The following ARHGAP22 variants were observed in gnomAD, a reference collection of about 807,000 sequenced individuals.
The protein encoded by ARHGAP22 is Rho GTPase activating protein 22, also known as rho GTPase-activating protein 22.
A neutral mutation model predicts 59.1 loss-of-function variants in ARHGAP22; 48 were observed. The ratio of observed to expected loss-of-function variants is 0.81; its 90% CI spans 0.64 to 1.03. ARHGAP22 has a LOEUF of 1.03. Ranked by LOEUF, ARHGAP22 falls within the 50% of genes least tolerant of loss-of-function variation. The pLI is 0.00. For missense variants in ARHGAP22, 1,015 were observed against 958.7 expected (o/e 1.06, Z -0.78); for synonymous variants, 445 against 416.4 (o/e 1.07, Z -0.84).
intron 3 of ARHGAP22, among the ~76,000 whole-genome samples, chr10:48,552,699 G>T (rs528856986): frequency 6.6e-6 from 1 of 152,352 alleles, no homozygotes; most frequent in East Asian, 1.9e-4. Context: ...TCAGGGCCCT[G>T]CAAGGCTGGC....
intron 4 of ARHGAP22, among the ~76,000 whole-genome samples, chr10:48,467,683 C>T (rs2047852737): frequency 6.6e-6 from 1 of 152,084 alleles, no homozygotes; most frequent in African/African-American, 2.4e-5. Flanking sequence ...CTGGAAAAAT[C>T]GTATGTGAAA....
At chr10:48,466,238 G>C (rs1490221318) in intron 4 of ARHGAP22, among the ~76,000 whole-genome samples, 3 of 141,242 alleles carry the variant, frequency 2.1e-5, no homozygotes, top group Non-Finnish European at 4.6e-5. Flanking sequence ...CCGTAGTTCG[G>C]GGTGGGGAGG....
At chr10:48,512,617 C>T (rs1055335042) in intron 3 of ARHGAP22, among the ~76,000 whole-genome samples, 1 of 152,168 alleles carries the variant, frequency 6.6e-6, no homozygotes, top group Admixed American at 6.5e-5. Flanking sequence ...CACACAGAGG[C>T]CAATTTAACT....
At chr10:48,484,004 C>A (rs2049599927) in intron 3 of ARHGAP22, among the ~76,000 whole-genome samples, 1 of 152,168 alleles carries the variant, frequency 6.6e-6, no homozygotes, top group Admixed American at 6.5e-5. Flanking sequence ...TAGTTTCATA[C>A]TTTCATGTTT....
At chr10:48,453,510 C>G in intron 7 of ARHGAP22, 85 bp from the exon 8 acceptor site, 2 of 1,565,514 alleles carry the variant, frequency 1.3e-6, no homozygotes, top group Non-Finnish European at 8.7e-7. Flanking sequence ...ACCGCCACAC[C>G]CCTGCTGAGC....
intron 3 of ARHGAP22, among the ~76,000 whole-genome samples, chr10:48,507,946 T>C (rs10400143): frequency 1.4e-5 from 2 of 147,494 alleles, no homozygotes; most frequent in African/African-American, 5.0e-5. Context: ...GATCTGAACA[T>C]AGAAATGCCA....
intron 1 of ARHGAP22, among the ~76,000 whole-genome samples, chr10:48,618,532 T>C (rs555236846): frequency 1.3e-5 from 2 of 152,272 alleles, no homozygotes; most frequent in South Asian, 2.1e-4. Flanking sequence ...GATGCAAGTG[T>C]GGTTCAACAT....
At chr10:48,598,081 C>A (rs1419046861) in intron 1 of ARHGAP22, among the ~76,000 whole-genome samples, 1 of 152,270 alleles carries the variant, frequency 6.6e-6, no homozygotes, top group Non-Finnish European at 1.5e-5. Flanking sequence ...TGGAGCTGCT[C>A]CAGCCCAGCA....
chr10:48,446,254 C>T lies in ARHGAP22; in HGVS notation c.*137G>A. On this transcript the variant is annotated 3_prime_UTR_variant, in exon 10 of 10. Transcript: ENST00000249601. Reference sequence around the variant, plus strand: ...TGGGGTCCCAAAAGTCCCCACAGTCCCCACAGAGGTATCAGGATCTCTCTC... The same window carrying T: ...TGGGGTCCCAAAAGTCCCCACAGTCTCCACAGAGGTATCAGGATCTCTCTC... The T allele has an allele frequency of 1.1e-6, 1 of 894,106 alleles. No individual in the cohort carries two copies. Among genetic ancestry groups the T allele is most frequent in the Non-Finnish European group, 1.7e-6 (1 of 591,400 alleles). The allele number at this position is 894,106 out of a possible 1,614,324, so 55.4% of individuals were successfully genotyped here.
At chr10:48,622,934 A>T (rs2061332921) in intron 1 of ARHGAP22, among the ~76,000 whole-genome samples, 1 of 152,150 alleles carries the variant, frequency 6.6e-6, no homozygotes, top group African/African-American at 2.4e-5. Flanking sequence ...GCTCCTCATC[A>T]CCCACTGGGC....
intron 1 of ARHGAP22, among the ~76,000 whole-genome samples, chr10:48,584,066 G>A (rs3851548): frequency 0.98 from 149,432 of 152,270 alleles, 73,384 homozygotes; most frequent in Middle Eastern, 1. Flanking sequence ...TCTGGCCAGT[G>A]TCAAGGCCAT....
intron 1 of ARHGAP22, among the ~76,000 whole-genome samples, chr10:48,630,836 TGTG>T (rs2061605388): frequency 6.6e-6 from 1 of 152,226 alleles, no homozygotes; most frequent in Non-Finnish European, 1.5e-5. Context: ...GTTGAATAAG[TGTG>T]GTGAATTGCC....
At chr10:48,582,436 T>A (rs984876607) in intron 2 of ARHGAP22, among the ~76,000 whole-genome samples, 22 of 152,208 alleles carry the variant, frequency 1.4e-4, no homozygotes, top group African/African-American at 5.3e-4. Context: ...CTAGCTGCTC[T>A]GAGGGAGTAA....
At chr10:48,508,340 A>C (rs1454266805) in intron 3 of ARHGAP22, among the ~76,000 whole-genome samples, 2 of 152,196 alleles carry the variant, frequency 1.3e-5, no homozygotes, top group Non-Finnish European at 2.9e-5. Context: ...GGACCTGCTG[A>C]CGACAAGTGG....
upstream of ARHGAP22, among the ~76,000 whole-genome samples, chr10:48,654,814 CTTT>C (rs1565068750): frequency 3.5e-5 from 4 of 114,658 alleles, no homozygotes; most frequent in Non-Finnish European, 5.9e-5. Context: ...TTCTTTCTTT[CTTT>C]CTTTCTTTCT....
At chr10:48,555,246 G>A (rs1274853034) in intron 3 of ARHGAP22, among the ~76,000 whole-genome samples, 1 of 152,072 alleles carries the variant, frequency 6.6e-6, no homozygotes, top group African/African-American at 2.4e-5. Flanking sequence ...TCCTCGTTTC[G>A]CATTACCCAA....
chr10:48,597,943 T>G (rs915561545), intron 1 of ARHGAP22, among the ~76,000 whole-genome samples: 2 of 152,030 alleles, frequency 1.3e-5, no homozygotes, highest in Non-Finnish European at 2.9e-5. Context: ...GATAGTGGAG[T>G]CCAAGGTGGC....
chr10:48,468,628 C>G (rs1275152402), intron 4 of ARHGAP22, among the ~76,000 whole-genome samples: 2 of 152,190 alleles, frequency 1.3e-5, no homozygotes, highest in Non-Finnish European at 2.9e-5. Flanking sequence ...TGCCAAATTT[C>G]TGGCAGTTTG....
chr10:48,516,023 CAAAACAA>C (rs1371014668), intron 3 of ARHGAP22, among the ~76,000 whole-genome samples: 2 of 141,744 alleles, frequency 1.4e-5, no homozygotes, highest in East Asian at 3.9e-4. Flanking sequence ...CAAAAAAAAA[CAAAACAA>C]AAAACAAAAA....
Sources: gnomAD v4.1 joint callset for allele counts (sites outside exome capture counted in the v4.1 genomes callset) on GRCh38, gnomAD v4.1.1 for gene constraint, MANE v1.5 for transcripts, NCBI Gene and HGNC (gene_info 2026-07-23, HGNC 2026-07-21) for gene names.